SYT9: variants seen among roughly 807,000 people sequenced by gnomAD.
SYT9 encodes synaptotagmin-9.
SYT9 carries 22 observed loss-of-function variants against 48.4 expected under a neutral mutation model. That is an observed-to-expected ratio of 0.45 (90% CI 0.32 to 0.65). The LOEUF is 0.65. Among genes scored for constraint, SYT9 ranks in the 30% least tolerant of loss-of-function variants. The pLI is 0.03. For missense variants in SYT9, 577 were observed against 622.0 expected (o/e 0.93, Z 0.77); for synonymous variants, 265 against 245.0 (o/e 1.08, Z -0.76).
chr11:7,355,297 G>A (rs1242784098), intron 3 of SYT9, among the ~76,000 whole-genome samples: 1 of 152,188 alleles, frequency 6.6e-6, no homozygotes, highest in Non-Finnish European at 1.5e-5. Context: ...CAGCTTTGTG[G>A]GAGGCCAGGT....
intron 1 of SYT9, among the ~76,000 whole-genome samples, chr11:7,282,671 G>A (rs1848519230): frequency 6.6e-6 from 1 of 152,102 alleles, no homozygotes; most frequent in African/African-American, 2.4e-5. Context: ...TAGCCTGTAG[G>A]CAGCATGGTG....
Position 7,418,606 on chromosome 11 carries a change from GTTTCC to G in SYT9, c.1337+481_1337+485del, listed in dbSNP as rs1847294901. 2.0e-5 allele frequency among the ~76,000 whole-genome samples: 3 copies of G among 152,174 alleles called. No homozygotes were observed. The South Asian group carries it at 6.2e-4, about 31-fold the overall frequency. ...TTCTCACAAGTATTTAATAAAGATT[GTTTCC>G]TTCTACTTAAGTCTGAAAACAAACA... On this transcript the variant is annotated intron_variant, in intron 5 of 6. Transcript: ENST00000318881.
chr11:7,464,811 G>A (rs984017598), intron 6 of SYT9, among the ~76,000 whole-genome samples: 6 of 152,064 alleles, frequency 3.9e-5, no homozygotes, highest in South Asian at 2.1e-4. Context: ...GGCCAGGCGC[G>A]GTGGCTCACG....
At chr11:7,329,638 CA>C (rs1178234777) in intron 3 of SYT9, among the ~76,000 whole-genome samples, 4 of 152,178 alleles carry the variant, frequency 2.6e-5, no homozygotes, top group African/African-American at 9.7e-5. Flanking sequence ...TCTTATTGGA[CA>C]AAGCTCTGTC....
At chr11:7,388,455 G>A (rs774429961) in intron 3 of SYT9, among the ~76,000 whole-genome samples, 61 of 151,874 alleles carry the variant, frequency 4.0e-4, no homozygotes, top group Non-Finnish European at 6.6e-4. Context: ...CTTTTGGCTC[G>A]TTAATCTTCC....
intron 3 of SYT9, among the ~76,000 whole-genome samples, chr11:7,360,198 T>C (rs1412121270): frequency 6.6e-6 from 1 of 152,232 alleles, no homozygotes; most frequent in Non-Finnish European, 1.5e-5. Context: ...TCTGTTCTGC[T>C]CCATTGATCT....
chr11:7,253,550 G>A (rs1159350682), intron 1 of SYT9, among the ~76,000 whole-genome samples: 3 of 151,264 alleles, frequency 2.0e-5, no homozygotes, highest in Non-Finnish European at 4.4e-5. Flanking sequence ...AAATTTTAAA[G>A]TTTATATCAG....
chr11:7,247,992 G>A (rs1273821428), upstream of SYT9, among the ~76,000 whole-genome samples: 1 of 152,012 alleles, frequency 6.6e-6, no homozygotes, highest in Non-Finnish European at 1.5e-5. Flanking sequence ...AACATCTACT[G>A]TTTTTTGATT....
Position 7,252,419 on chromosome 11 carries a change from G to A in SYT9, c.145+88G>A. On this transcript the variant is annotated intron_variant, in intron 1 of 6. Coordinates refer to ENST00000318881, the MANE Select transcript of SYT9 (RefSeq NM_175733.4). The surrounding 1 kb of genome is among the most constrained non-coding windows in gnomAD (Gnocchi z 6.3). ...CCGGGGCCTGAGGCAGAACAGCGAC[G>A]CGGACTGGGAGAGGGCGGGGGGCGG... The A allele has an allele frequency of 1.5e-6, 2 of 1,318,602 alleles. No homozygotes were observed. Among genetic ancestry groups the A allele is most frequent in the Non-Finnish European group, 1.9e-6 (2 of 1,029,728 alleles). 81.7% of individuals were successfully genotyped at this position (1,318,602 alleles called of 1,614,324 possible).
chr11:7,457,444 T>C (rs756669430), intron 6 of SYT9: 1 of 152,246 alleles, frequency 6.6e-6, no homozygotes, highest in Non-Finnish European at 1.5e-5. Context: ...TTATTCATCA[T>C]TGTATAACAA....
intron 3 of SYT9, among the ~76,000 whole-genome samples, chr11:7,398,762 G>A (rs1282655583): frequency 6.6e-6 from 1 of 152,124 alleles, no homozygotes; most frequent in African/African-American, 2.4e-5. Context: ...CATGTTGAGT[G>A]CCAACAAATG....
chr11:7,419,728 C>T (rs555144360), intron 5 of SYT9, among the ~76,000 whole-genome samples: 3 of 152,138 alleles, frequency 2.0e-5, no homozygotes, highest in South Asian at 2.1e-4. Flanking sequence ...GAAACCCCGC[C>T]TCAACTAAAA....
At chr11:7,372,450 C>G (rs1467875270) in intron 3 of SYT9, among the ~76,000 whole-genome samples, 1 of 152,110 alleles carries the variant, frequency 6.6e-6, no homozygotes, top group African/African-American at 2.4e-5. Context: ...GTAGCTGGAA[C>G]TACAGTCATG....
chr11:7,304,798 G>C (rs1849003727), intron 2 of SYT9, among the ~76,000 whole-genome samples: 1 of 152,214 alleles, frequency 6.6e-6, no homozygotes, highest in African/African-American at 2.4e-5. Context: ...ATTTGATGCT[G>C]TCATAGAGTT....
At chr11:7,266,837 G>A (rs924877977) in intron 1 of SYT9, among the ~76,000 whole-genome samples, 22 of 152,066 alleles carry the variant, frequency 1.4e-4, no homozygotes, top group Non-Finnish European at 1.9e-4. Flanking sequence ...AAAGTGAGTA[G>A]TAAATAGTGG....
intron 6 of SYT9, among the ~76,000 whole-genome samples, chr11:7,466,279 T>A (rs1564913574): frequency 3.3e-5 from 5 of 152,164 alleles, no homozygotes; most frequent in African/African-American, 1.2e-4. Context: ...CTTTCTCCCT[T>A]CCCATTGCCC....
intron 1 of SYT9, among the ~76,000 whole-genome samples, chr11:7,256,688 G>A (rs1847976844): frequency 6.6e-6 from 1 of 152,276 alleles, no homozygotes; most frequent in African/African-American, 2.4e-5. Context: ...CACATTCTAT[G>A]TAGTTGTAAA....
At chr11:7,421,904 T>C (rs1256766384) in intron 6 of SYT9, among the ~76,000 whole-genome samples, 1 of 152,204 alleles carries the variant, frequency 6.6e-6, no homozygotes, top group Non-Finnish European at 1.5e-5. Context: ...AGAGAGATGT[T>C]TACTGTGCTT....
chr11:7,459,467 C>G (rs1270975616), intron 6 of SYT9, among the ~76,000 whole-genome samples: 1 of 152,110 alleles, frequency 6.6e-6, no homozygotes, highest in Non-Finnish European at 1.5e-5. Context: ...GTTTGGTATC[C>G]TAGAAGGCAA....
Sources: allele counts gnomAD v4.1 joint callset (sites outside exome capture counted in the v4.1 genomes callset), GRCh38; gene constraint gnomAD v4.1.1; non-coding constraint Gnocchi (gnomAD v3.1); transcripts MANE v1.5; gene names NCBI Gene and HGNC (gene_info 2026-07-23, HGNC 2026-07-21).